The following FIG4 variants were observed in gnomAD, a reference collection of about 807,000 sequenced individuals.
FIG4 encodes the protein FIG4 phosphoinositide 5-phosphatase.
A neutral mutation model predicts 118.6 loss-of-function variants in FIG4; 112 were observed. The ratio of observed to expected loss-of-function variants is 0.94; its 90% confidence interval spans 0.81 to 1.11. FIG4 has a LOEUF of 1.11. Among genes scored for constraint, FIG4 ranks in the 50% least tolerant of loss-of-function variants. The pLI is 0.00. For missense variants in FIG4, 969 were observed against 1,111.7 expected, an observed-to-expected ratio of 0.87 and a Z score of 1.83; for synonymous variants, 369 against 381.2, an observed-to-expected ratio of 0.97 and a Z score of 0.37.
Position 109,691,407 on chromosome 6 carries a change from CTGT to C in FIG4, c.-25_-23del. 6.4e-7 allele frequency: 1 copy of C among 1,559,656 alleles called. No individual in the cohort carries two copies. Among genetic ancestry groups the C allele is most frequent in the Non-Finnish European group, 8.7e-7 (1 of 1,150,522 alleles). On this transcript the variant is annotated 5_prime_UTR_variant, in exon 1 of 23. Transcript: ENST00000230124. ...CTGGGGCGGTCCGGAGGCTCGTGCCCTGTTGTGGGGCCCCCATTTGCCGCCGCC... is the reference window on the plus strand; with the variant it reads ...CTGGGGCGGTCCGGAGGCTCGTGCCCTGTGGGGCCCCCATTTGCCGCCGCC...
chr6:109,721,816 G>C (rs1348571349), intron 3 of FIG4, among the ~76,000 whole-genome samples: 1 of 152,146 alleles, frequency 6.6e-6, no homozygotes, highest in Non-Finnish European at 1.5e-5. Flanking sequence ...ATTTGTGCTG[G>C]AAGAAGAGTG....
intron 22 of FIG4, among the ~76,000 whole-genome samples, chr6:109,809,590 C>CAT (rs2128400276): frequency 6.6e-6 from 1 of 152,244 alleles, no homozygotes; most frequent in Admixed American, 6.5e-5. Flanking sequence ...TGTCAATATG[C>CAT]ATTACTAAGG....
chr6:109,785,209 G>A (rs1319668971), intron 17 of FIG4, among the ~76,000 whole-genome samples, 181 bp downstream of exon 17: 4 of 152,104 alleles, frequency 2.6e-5, no homozygotes, highest in African/African-American at 4.8e-5. Context: ...TTTTTAAAGG[G>A]CAGGAATTAT....
intron 8 of FIG4, among the ~76,000 whole-genome samples, chr6:109,742,712 A>G (rs529154239): frequency 5.9e-5 from 9 of 152,184 alleles, no homozygotes; most frequent in African/African-American, 2.2e-4. Context: ...GCATTATTTG[A>G]ATCTCACTCC....
At chr6:109,773,352 G>T (rs895743086) in intron 15 of FIG4, among the ~76,000 whole-genome samples, 1 of 152,106 alleles carries the variant, frequency 6.6e-6, no homozygotes, top group African/African-American at 2.4e-5. Context: ...GGTCTTGGGG[G>T]CCAAATTTCT....
chr6:109,825,292 A>G lies in FIG4; in HGVS notation c.*27A>G, dbSNP rs764621008. On this transcript the variant is annotated 3_prime_UTR_variant, in exon 23 of 23. Coordinates refer to ENST00000230124, the MANE Select transcript of FIG4 (RefSeq NM_014845.6). ...AAGAGCGCAGGTCCACCTGGTGGAC[A>G]CGTCTGATTAGCTTAGAACCTGTCT... The G allele has an allele frequency of 6.2e-7, 1 of 1,602,128 alleles. No homozygotes were observed. The highest frequency in any genetic ancestry group is 8.6e-7 in the Non-Finnish European group (1 of 1,169,266).
intron 16 of FIG4, among the ~76,000 whole-genome samples, chr6:109,780,812 A>G (rs546213606): frequency 1.2e-4 from 19 of 152,320 alleles, no homozygotes; most frequent in African/African-American, 3.1e-4. Context: ...AGTCATTGGA[A>G]CAAGGTCCTC....
chr6:109,796,554 G>A (rs1282922492), intron 21 of FIG4, among the ~76,000 whole-genome samples: 1 of 152,214 alleles, frequency 6.6e-6, no homozygotes, highest in Non-Finnish European at 1.5e-5. Context: ...CCATGGTTAT[G>A]ACTTACATTT....
intron 16 of FIG4, among the ~76,000 whole-genome samples, chr6:109,779,529 G>T (rs1315206151): frequency 6.6e-6 from 1 of 152,208 alleles, no homozygotes; most frequent in Non-Finnish European, 1.5e-5. Context: ...TTGTATCTAA[G>T]TAGATAATAT....
At chr6:109,751,531 A>C (rs1487089534) in intron 10 of FIG4, among the ~76,000 whole-genome samples, 1 of 152,156 alleles carries the variant, frequency 6.6e-6, no homozygotes, top group East Asian at 1.9e-4. Context: ...TTGGCTGTGA[A>C]TCTATCTGGT....
intron 8 of FIG4, among the ~76,000 whole-genome samples, chr6:109,742,047 G>A (rs1776340696): frequency 6.6e-6 from 1 of 151,986 alleles, no homozygotes; most frequent in South Asian, 2.1e-4. Context: ...TGAGAAATAT[G>A]ACTAATATGC....
intron 1 of FIG4, among the ~76,000 whole-genome samples, chr6:109,701,358 C>T (rs895945501): frequency 6.6e-6 from 1 of 152,202 alleles, no homozygotes; most frequent in East Asian, 1.9e-4. Flanking sequence ...CTAGGAGTTT[C>T]CAGCAGAGAT....
Position 109,760,335 on chromosome 6 carries a change from A to T in FIG4, c.1223A>T (p.Glu408Val). The change falls in exon 11 of 23, where the codon GAG becomes GTG. Residue 408 changes from glutamate (E) to valine (V), a missense_variant. By Grantham distance (121) the Glu-to-Val change is moderately radical. This residue lies in a region of FIG4 where 246 missense variants were observed against 354.3 expected (regional missense o/e 0.69). Coordinates refer to ENST00000230124, the MANE Select transcript of FIG4 (RefSeq NM_014845.6). The part of the protein sequence containing the change: ...VTYLNQFLPP[E>V]HTIVYIPWDM... Reference sequence around the variant, plus strand: ...TATCTCAACCAATTTTTGCCTCCTGAGCACACTATTGTTTATATTCCCTGG... The same window carrying T: ...TATCTCAACCAATTTTTGCCTCCTGTGCACACTATTGTTTATATTCCCTGG... The T allele has an allele frequency of 6.2e-7, 1 of 1,613,146 alleles. No individual in the cohort carries two copies. The highest frequency in any genetic ancestry group is 8.5e-7 in the Non-Finnish European group (1 of 1,179,110).
chr6:109,784,450 C>A (rs895039568), intron 16 of FIG4, among the ~76,000 whole-genome samples: 1 of 152,182 alleles, frequency 6.6e-6, no homozygotes, highest in African/African-American at 2.4e-5. Flanking sequence ...TTCGTTAGGA[C>A]TGTCTAATTC....
At chr6:109,715,926 A>G (rs1468732767) in intron 2 of FIG4, among the ~76,000 whole-genome samples, 1 of 152,200 alleles carries the variant, frequency 6.6e-6, no homozygotes, top group Non-Finnish European at 1.5e-5. Flanking sequence ...TCTGTGTTGT[A>G]ATAATTTTAG....
chr6:109,733,245 A>T (rs902150262), intron 5 of FIG4, among the ~76,000 whole-genome samples: 5 of 152,120 alleles, frequency 3.3e-5, no homozygotes, highest in African/African-American at 1.2e-4. Context: ...TTCTCTATTT[A>T]TAATAGCCCA....
chr6:109,773,090 C>G (rs1367396441), intron 15 of FIG4, among the ~76,000 whole-genome samples: 1 of 152,208 alleles, frequency 6.6e-6, no homozygotes, highest in Non-Finnish European at 1.5e-5. Flanking sequence ...TGCTGCATTT[C>G]TTGGCTTGTG....
At chr6:109,771,344 T>TG (rs1322705604) in intron 15 of FIG4, among the ~76,000 whole-genome samples, 1 of 152,132 alleles carries the variant, frequency 6.6e-6, no homozygotes, top group Non-Finnish European at 1.5e-5. Flanking sequence ...CTCTCCAAAA[T>TG]GACTATTTCA....
At chr6:109,750,195 G>C (rs571056673) in intron 10 of FIG4, among the ~76,000 whole-genome samples, 5 of 152,330 alleles carry the variant, frequency 3.3e-5, no homozygotes, top group African/African-American at 1.2e-4. Flanking sequence ...TGAGGCACTG[G>C]TTGAAAGACA....
Sources: gnomAD v4.1 joint callset for allele counts (sites outside exome capture counted in the v4.1 genomes callset) on GRCh38, gnomAD v4.1.1 for gene constraint, gnomAD v4.1.1 regional missense constraint, MANE v1.5 for transcripts, NCBI Gene and HGNC (gene_info 2026-07-23, HGNC 2026-07-21) for gene names.